TMEM131: variants seen among roughly 807,000 people sequenced by gnomAD.
The protein encoded by TMEM131 is transmembrane protein 131.
A neutral mutation model predicts 211.6 loss-of-function variants in TMEM131; 66 were observed. The observed-to-expected ratio is 0.31, with a 90% CI of 0.26 to 0.38. The LOEUF is 0.38. Ranked by LOEUF, TMEM131 falls within the 10% of genes least tolerant of loss-of-function variation. The pLI is 1.00. For missense variants in TMEM131, 2,036 were observed against 2,299.3 expected (o/e 0.89, Z 2.34); for synonymous variants, 844 against 841.3 (o/e 1.00, Z -0.06).
chr2:97,840,424 C>T (rs1683142137), intron 7 of TMEM131, among the ~76,000 whole-genome samples: 1 of 152,128 alleles, frequency 6.6e-6, no homozygotes. Flanking sequence ...CTCATGCAGT[C>T]GGGTCTAACG....
intron 10 of TMEM131, 65 bp from the exon 11 acceptor site, chr2:97,833,491 A>C: frequency 1.4e-6 from 1 of 710,292 alleles, no homozygotes; most frequent in Non-Finnish European, 2.4e-6. Flanking sequence ...TAGAATCTTT[A>C]CCTTATAAGA....
chr2:97,806,818 C>T (rs1301664710), intron 19 of TMEM131, among the ~76,000 whole-genome samples: 2 of 152,034 alleles, frequency 1.3e-5, no homozygotes, highest in East Asian at 1.9e-4. Flanking sequence ...AAGTGAAGAG[C>T]GTGCACAGGA....
chr2:97,862,713 A>C (rs1253856178), intron 4 of TMEM131, among the ~76,000 whole-genome samples: 1 of 152,160 alleles, frequency 6.6e-6, no homozygotes, highest in Non-Finnish European at 1.5e-5. Flanking sequence ...AAGAATTAAA[A>C]AGGAGGCATA....
At chr2:97,975,838 C>G (rs977821657) in intron 1 of TMEM131, among the ~76,000 whole-genome samples, 10 of 150,248 alleles carry the variant, frequency 6.7e-5, no homozygotes, top group Admixed American at 1.3e-4. Flanking sequence ...ACCAATATTC[C>G]TAATGACCAA....
intron 1 of TMEM131, among the ~76,000 whole-genome samples, chr2:97,942,680 A>C (rs1400389255): frequency 6.6e-6 from 1 of 152,162 alleles, no homozygotes; most frequent in Non-Finnish European, 1.5e-5. Flanking sequence ...CTCCAAAATA[A>C]ACAGAAAATC....
chr2:97,943,975 G>A (rs1677917845), intron 1 of TMEM131, among the ~76,000 whole-genome samples: 1 of 152,118 alleles, frequency 6.6e-6, no homozygotes, highest in Non-Finnish European at 1.5e-5. Flanking sequence ...GCAGCTACCT[G>A]GGAGGCTGAG....
At chr2:97,822,021 G>GCCTATCTAT (rs1469025791) in intron 11 of TMEM131, among the ~76,000 whole-genome samples, 1 of 152,180 alleles carries the variant, frequency 6.6e-6, no homozygotes, top group Non-Finnish European at 1.5e-5. Context: ...AGCGAGACTT[G>GCCTATCTAT]CCTATCTATC....
Position 97,789,405 on chromosome 2 carries a change from T to C in TMEM131, c.4144+2981A>G, listed in dbSNP as rs1451836425. Among the ~76,000 whole-genome samples the C allele has an allele frequency of 5.3e-5, 8 of 152,360 alleles. No homozygotes were observed. The East Asian group carries it at 1.5e-3, about 29-fold the overall frequency. On this transcript the variant is annotated intron_variant, in intron 31 of 40. Coordinates refer to ENST00000186436, the MANE Select transcript of TMEM131 (RefSeq NM_015348.2). Reference sequence around the variant, plus strand: ...TCAACTCAGCAGGCTACAGATGGCATGTGCCACTTCCTGCCCCAATAATAA... The same window carrying C: ...TCAACTCAGCAGGCTACAGATGGCACGTGCCACTTCCTGCCCCAATAATAA...
intron 2 of TMEM131, among the ~76,000 whole-genome samples, chr2:97,913,822 C>G (rs926194881): frequency 6.6e-6 from 1 of 152,112 alleles, no homozygotes; most frequent in South Asian, 2.1e-4. Context: ...CACACAAACC[C>G]GTGGTACCAG....
chr2:97,771,097 T>C (rs528890400), intron 33 of TMEM131, among the ~76,000 whole-genome samples: 3 of 152,212 alleles, frequency 2.0e-5, no homozygotes, highest in African/African-American at 7.2e-5. Flanking sequence ...CTCTCTCCCC[T>C]TCAAATGATC....
In TMEM131 at chr2:97,814,406, A is replaced by C; in HGVS notation, c.1293-18T>G. On this transcript the variant is annotated intron_variant, in intron 13 of 40. Transcript: ENST00000186436. ...CCAAATAACTATTAAAAAAAACAACAAGAACAAAATAAATCATTTTTATTT... is the reference window on the plus strand; with the variant it reads ...CCAAATAACTATTAAAAAAAACAACCAGAACAAAATAAATCATTTTTATTT... The C allele has an allele frequency of 1.9e-6, 3 of 1,567,938 alleles. No individual in the cohort carries two copies. The highest frequency in any genetic ancestry group is 2.4e-5 in the South Asian group (2 of 83,924).
At chr2:97,968,382 T>C (rs1444235716) in intron 1 of TMEM131, among the ~76,000 whole-genome samples, 3 of 152,250 alleles carry the variant, frequency 2.0e-5, no homozygotes, top group South Asian at 2.1e-4. Context: ...GACACCAACA[T>C]GAACTTCGGA....
At chr2:97,844,292 C>T (rs751775337) in intron 5 of TMEM131, 31 bp from the exon 6 acceptor site, 4 of 858,700 alleles carry the variant, frequency 4.7e-6, no homozygotes, top group Non-Finnish European at 6.5e-6. Context: ...AAATTTGTAA[C>T]AAGAAAAAAA....
chr2:97,876,315 CA>C (rs896837211), intron 4 of TMEM131, among the ~76,000 whole-genome samples: 4 of 152,128 alleles, frequency 2.6e-5, no homozygotes, highest in Non-Finnish European at 5.9e-5. Context: ...GAAACTATTC[CA>C]AACAACAGAA....
intron 1 of TMEM131, among the ~76,000 whole-genome samples, chr2:97,956,505 A>C (rs1023911684): frequency 1.3e-5 from 2 of 152,162 alleles, no homozygotes; most frequent in African/African-American, 4.8e-5. Flanking sequence ...ATTTTTTTTC[A>C]AGGAAAGTTT....
In TMEM131 at chr2:97,811,181, T is replaced by C; in HGVS notation, c.1915A>G (p.Lys639Glu). 6.2e-7 allele frequency: 1 copy of C among 1,613,832 alleles called. No individual in the cohort carries two copies. The highest frequency in any genetic ancestry group is 8.5e-7 in the Non-Finnish European group (1 of 1,179,788). The change falls in exon 18 of 41, where the codon AAA becomes GAA. Residue 639 changes from lysine to glutamate, a missense_variant. Transcript: ENST00000186436. ...FAVFRVKLTA[K>E]KLEGIHDGAI... ...CCATCATGAATCCCCTCTAATTTTT[T>C]TGCAGTAAGTTTGACTCTGAAGACT... is the stretch of plus-strand genomic sequence containing the variant.
intron 5 of TMEM131, among the ~76,000 whole-genome samples, chr2:97,845,666 T>C (rs1332711940): frequency 6.6e-6 from 1 of 151,098 alleles, no homozygotes; most frequent in Non-Finnish European, 1.5e-5. Context: ...ATTTCTGTTT[T>C]GAGACACTAG....
chr2:97,930,835 T>C (rs1035284961), intron 1 of TMEM131, among the ~76,000 whole-genome samples: 4 of 151,846 alleles, frequency 2.6e-5, no homozygotes, highest in African/African-American at 9.7e-5. Flanking sequence ...TCCCAAACTT[T>C]CCTGATGTTC....
intron 1 of TMEM131, among the ~76,000 whole-genome samples, chr2:97,933,237 A>T (rs1258362222): frequency 1.3e-5 from 2 of 152,232 alleles, no homozygotes; most frequent in African/African-American, 2.4e-5. Context: ...CCAAGTGTCC[A>T]TCACAGATGA....
Sources: gnomAD v4.1 joint callset for allele counts (sites outside exome capture counted in the v4.1 genomes callset) on GRCh38, gnomAD v4.1.1 for gene constraint, MANE v1.5 for transcripts, NCBI Gene and HGNC (gene_info 2026-07-23, HGNC 2026-07-21) for gene names.